The following PARD3B variants were observed in gnomAD, a reference collection of about 807,000 sequenced individuals.
PARD3B encodes par-3 family cell polarity regulator beta.
Under a neutral mutation model 130.2 loss-of-function variants are expected in PARD3B, and 103 were observed. The ratio of observed to expected loss-of-function variants is 0.79; its 90% CI spans 0.67 to 0.93. PARD3B has a LOEUF of 0.93. Ranked by LOEUF, PARD3B falls within the 40% of genes least tolerant of loss-of-function variation. The pLI is 0.00. For missense variants in PARD3B, 1,609 were observed against 1,499.2 expected (o/e 1.07, Z -1.21); for synonymous variants, 583 against 553.2 (o/e 1.05, Z -0.76).
chr2:205,217,750 G>A (rs565144578), intron 15 of PARD3B, among the ~76,000 whole-genome samples: 28 of 148,730 alleles, frequency 1.9e-4, no homozygotes, highest in Admixed American at 1.4e-3. Flanking sequence ...ATGTATGTGT[G>A]TATATATGTG....
At chr2:205,120,440 G>T (rs551260349) in intron 7 of PARD3B, among the ~76,000 whole-genome samples, 2 of 152,212 alleles carry the variant, frequency 1.3e-5, no homozygotes, top group Non-Finnish European at 2.9e-5. Context: ...CTTCAGAAAG[G>T]GGGGTGCGGG....
At chr2:205,601,153 C>T (rs911790203) in intron 22 of PARD3B, among the ~76,000 whole-genome samples, 7 of 152,166 alleles carry the variant, frequency 4.6e-5, no homozygotes, top group East Asian at 1.9e-4. Flanking sequence ...TCCACAGCCT[C>T]GCTGGCATCT....
rs1471222439 is a variant in PARD3B, at chr2:205,500,021, A to G, written c.3170A>G (p.Asp1057Gly). The part of the protein sequence containing the change: ...DEGRARPSEY[D>G]LLWVPGRGPD... ...GGAAGAGCAAGGCCATCTGAGTATGACCTACTCTGGGTAAGCGCATGCATG... is the reference window on the plus strand; with the variant it reads ...GGAAGAGCAAGGCCATCTGAGTATGGCCTACTCTGGGTAAGCGCATGCATG... Residue 1057 changes from aspartate (D) to glycine (G), a missense_variant, in exon 21 of 23, where the codon GAC becomes GGC. Transcript: ENST00000406610. 1 of 1,613,628 alleles carries G rather than the reference A, an allele frequency of 6.2e-7. No individual in the cohort carries two copies. Among genetic ancestry groups the G allele is most frequent in the Non-Finnish European group, 8.5e-7 (1 of 1,179,690 alleles).
chr2:204,873,192 A>G (rs899154602), intron 2 of PARD3B, among the ~76,000 whole-genome samples: 3 of 152,224 alleles, frequency 2.0e-5, no homozygotes, highest in African/African-American at 7.2e-5. Context: ...TATATCCTTT[A>G]CAGGTAGAAT....
rs555395861 is a variant in PARD3B, at chr2:205,021,596, C to CTCT, written c.395-25984_395-25982dup. Reference sequence around the variant, plus strand: ...TGCTCTCTTCTCTCTCTCTTCTCTTCTCTCTCTCTCTCTCTCTCTCTCTCC... The same window carrying CTCT: ...TGCTCTCTTCTCTCTCTCTTCTCTTCTCTTCTCTCTCTCTCTCTCTCTCTCTCC... On this transcript the variant is annotated intron_variant, in intron 3 of 22. Coordinates refer to ENST00000406610, the MANE Select transcript of PARD3B (RefSeq NM_001302769.2). This position sits in a 1 kb window ranked among gnomAD's most constrained non-coding sequence, Gnocchi z 4.5. Among the ~76,000 whole-genome samples, 1 of 117,834 alleles carries CTCT rather than the reference C, an allele frequency of 8.5e-6. No individual in the cohort carries two copies. The highest frequency in any genetic ancestry group is 1.8e-5 in the Non-Finnish European group (1 of 57,064). The allele number at this position is 117,834 out of a possible 152,430, so 77.3% of individuals were successfully genotyped here.
At chr2:205,144,652 A>G (rs2033216164) in intron 10 of PARD3B, among the ~76,000 whole-genome samples, 1 of 152,224 alleles carries the variant, frequency 6.6e-6, no homozygotes, top group African/African-American at 2.4e-5. Flanking sequence ...GTTTTTATCT[A>G]CAAATGACAT....
intron 15 of PARD3B, among the ~76,000 whole-genome samples, chr2:205,204,482 T>C (rs761344474): frequency 1.1e-4 from 17 of 152,358 alleles, no homozygotes; most frequent in Admixed American, 3.9e-4. Flanking sequence ...TTTTGGCTTT[T>C]GTTGCCATTG....
chr2:204,694,030 C>T (rs753346317), intron 2 of PARD3B, among the ~76,000 whole-genome samples: 2 of 152,024 alleles, frequency 1.3e-5, no homozygotes, highest in Non-Finnish European at 2.9e-5. Context: ...CCACTTGTAA[C>T]TCCAGTTTTT....
intron 1 of PARD3B, among the ~76,000 whole-genome samples, chr2:204,631,095 A>G (rs922831038): frequency 1.3e-5 from 2 of 152,132 alleles, no homozygotes; most frequent in Non-Finnish European, 1.5e-5. Context: ...TTTTAGTGCT[A>G]GAAATTTCCC....
At chr2:205,310,414 C>T (rs1429592784) in intron 18 of PARD3B, among the ~76,000 whole-genome samples, 2 of 152,034 alleles carry the variant, frequency 1.3e-5, no homozygotes, top group Non-Finnish European at 2.9e-5. Context: ...ACTGTAGTCA[C>T]CATGGTGAAT....
rs190051197 is a variant in PARD3B, at chr2:205,539,740, C to T, written c.3181-13584C>T. 4.5e-3 allele frequency among the ~76,000 whole-genome samples: 681 copies of T among 152,256 alleles called. 7 individuals carry two copies. Among genetic ancestry groups the T allele is most frequent in the African/African-American group, 0.015 (644 of 41,554 alleles). Reference sequence around the variant, plus strand: ...ATCACTGAACACAGTTCTCCAGACCCGAACCCCACCCCTCCCCCAGGTCAT... The same window carrying T: ...ATCACTGAACACAGTTCTCCAGACCTGAACCCCACCCCTCCCCCAGGTCAT... On this transcript the variant is annotated intron_variant, in intron 21 of 22. Coordinates refer to ENST00000406610, the MANE Select transcript of PARD3B (RefSeq NM_001302769.2).
rs747954082 is a variant in PARD3B, at chr2:205,590,796, A to C, written c.3261-24660A>C. On this transcript the variant is annotated intron_variant, in intron 22 of 22. Transcript: ENST00000406610. The surrounding 1 kb of genome is among the most constrained non-coding windows in gnomAD (Gnocchi z 4.1). ...CATATTCACAAGAAGTAGGATGAGT[A>C]CCAAATCCCTAAAAAATGTTCTGTC... is the stretch of plus-strand genomic sequence containing the variant. 3.0e-4 allele frequency among the ~76,000 whole-genome samples: 45 copies of C among 152,160 alleles called. No individual in the cohort carries two copies. Among genetic ancestry groups the C allele is most frequent in the Non-Finnish European group, 6.2e-4 (42 of 68,036 alleles).
chr2:205,202,254 G>A (rs868430703), intron 15 of PARD3B, among the ~76,000 whole-genome samples: 4 of 152,228 alleles, frequency 2.6e-5, no homozygotes, highest in Middle Eastern at 3.4e-3. Context: ...CAGATGTAGC[G>A]GAATAAGGCA....
intron 2 of PARD3B, among the ~76,000 whole-genome samples, chr2:204,772,854 G>C (rs1010831983): frequency 6.6e-6 from 1 of 151,822 alleles, no homozygotes; most frequent in East Asian, 1.9e-4. Context: ...ATAAGTAAAT[G>C]AGTGTATGCT....
chr2:205,385,225 T>C (rs2045619921), intron 18 of PARD3B, among the ~76,000 whole-genome samples: 1 of 152,146 alleles, frequency 6.6e-6, no homozygotes, highest in African/African-American at 2.4e-5. Flanking sequence ...TGCAGTACTT[T>C]TTTTCAAGTA....
At chr2:205,099,952 A>G (rs965052777) in intron 4 of PARD3B, among the ~76,000 whole-genome samples, 1 of 152,176 alleles carries the variant, frequency 6.6e-6, no homozygotes, top group Non-Finnish European at 1.5e-5. Context: ...GTAGTCATTG[A>G]CATGATTTCT....
chr2:204,740,403 A>G (rs1056294824), intron 2 of PARD3B, among the ~76,000 whole-genome samples: 3 of 152,192 alleles, frequency 2.0e-5, no homozygotes, highest in Non-Finnish European at 4.4e-5. Context: ...CTTTATTGCT[A>G]GCATGCTTCA....
chr2:205,599,111 C>G (rs1264723305), intron 22 of PARD3B, among the ~76,000 whole-genome samples: 1 of 151,996 alleles, frequency 6.6e-6, no homozygotes, highest in African/African-American at 2.4e-5. Flanking sequence ...AAGAAATAAC[C>G]AAAATTAGAG....
chr2:205,381,097 AATAT>A (rs1419371734), intron 18 of PARD3B, among the ~76,000 whole-genome samples: 1 of 96,924 alleles, frequency 1.0e-5, no homozygotes, highest in Admixed American at 1.4e-4. Context: ...AAGAATATAT[AATAT>A]ATAAAGAATA....
Sources: gnomAD v4.1 joint callset for allele counts (sites outside exome capture counted in the v4.1 genomes callset) on GRCh38, gnomAD v4.1.1 for gene constraint, Gnocchi (gnomAD v3.1) non-coding constraint, MANE v1.5 for transcripts, NCBI Gene and HGNC (gene_info 2026-07-23, HGNC 2026-07-21) for gene names.